Variants in NLRP6 observed in about 807,000 individuals in gnomAD.
The protein encoded by NLRP6 is NLR family pyrin domain containing 6.
NLRP6 carries 55 observed loss-of-function variants against 70.9 expected under a neutral mutation model. The observed-to-expected ratio is 0.78, with a 90% CI of 0.62 to 0.97. The LOEUF is 0.97. NLRP6 is among the 50% of genes least tolerant of loss of function. NLRP6 has a pLI of 0.00. For missense variants in NLRP6, 1,241 were observed against 1,238.3 expected (o/e 1.00, Z -0.03); for synonymous variants, 652 against 581.9 (o/e 1.12, Z -1.73).
At position 281,704 on chromosome 11, in the gene NLRP6, C is replaced by T; in HGVS notation, c.1970C>T (p.Ala657Val). 1 of 1,613,410 alleles carries T rather than the reference C, an allele frequency of 6.2e-7. No individual in the cohort carries two copies. The highest frequency in any genetic ancestry group is 8.5e-7 in the Non-Finnish European group (1 of 1,180,038). The change falls in exon 4 of 8, where the codon GCT becomes GTT. Residue 657 changes from alanine to valine, a missense_variant. Physicochemically the swap from Ala to Val is moderately conservative, Grantham distance 64. Coordinates refer to ENST00000534750, the MANE Select transcript of NLRP6 (RefSeq NM_001276700.2). ...GTGCGCTTCTGCCGCATGGACGTGG[C>T]TGTTCTGAGCTACTGCGTGAGGTGC... ...QRVRFCRMDV[A>V]VLSYCVRCCP... is the part of the protein sequence containing the mutation.
At chr11:279,121 G>C (rs1845428174) in intron 1 of NLRP6, 1 of 417,908 alleles carries the variant, frequency 2.4e-6, no homozygotes, top group Non-Finnish European at 4.0e-6. Context: ...ACACCAAGAC[G>C]CCCCGACCCG....
Position 279,417 on chromosome 11 carries a change from G to A in NLRP6, c.120G>A (p.Lys40=). 1 of 1,366,370 alleles carries A rather than the reference G, an allele frequency of 7.3e-7. No individual in the cohort carries two copies. The highest frequency in any genetic ancestry group is 9.4e-7 in the Non-Finnish European group (1 of 1,062,380). 84.6% of individuals were successfully genotyped at this position (1,366,370 alleles called of 1,614,324 possible). The change falls in exon 2 of 8, where the codon AAG becomes AAA. Residue 40 remains lysine, a synonymous_variant. Coordinates refer to ENST00000534750, the MANE Select transcript of NLRP6 (RefSeq NM_001276700.2). The part of the protein sequence containing the change: ...SQEQLKRFRH[K]LRDVGPDGRS... ...AGCAGCTGAAGCGCTTCCGCCACAA[G>A]CTGCGCGACGTGGGCCCGGACGGAC...
Position 279,886 on chromosome 11 carries a change from T to TGG in NLRP6, c.349+20_349+21dup. On this transcript the variant is annotated intron_variant, in intron 3 of 7. Transcript: ENST00000534750. ...TCTCCGTGTCCGGTGGGTCTCTCGC[T>TGG]GGGGGGGCACGAGTGTCCCCAACCC... 1.3e-6 allele frequency: 2 copies of TGG among 1,526,554 alleles called. No individual in the cohort carries two copies. The highest frequency in any genetic ancestry group is 1.3e-5 in the South Asian group (1 of 78,348). The allele number at this position is 1,526,554 out of a possible 1,614,324, so 94.6% of individuals were successfully genotyped here. A position where few individuals can be genotyped will look rare whatever the true frequency, so the allele number is the denominator to read the frequency against.
intron 1 of NLRP6, 52 bp from the exon 2 acceptor site, chr11:279,275 C>A: frequency 1.1e-6 from 1 of 914,116 alleles, no homozygotes; most frequent in Non-Finnish European, 1.4e-6. Context: ...CGGGGGCGGG[C>A]GGGGGTCACC....
intron 1 of NLRP6, chr11:279,104 G>A (rs1845428019): frequency 5.1e-6 from 2 of 395,330 alleles, no homozygotes; most frequent in Middle Eastern, 6.5e-4. Flanking sequence ...CCCTCAGAGG[G>A]CGAAGAACAC....
chr11:280,745 C>A lies in NLRP6; in HGVS notation c.1011C>A (p.Arg337=). ...RAAAPGRLQG[R]LCSPQCAEVR... is the part of the protein sequence containing the mutation. ...CCGCCCCCGGGAGGCTGCAGGGCCG[C>A]CTGTGTTCCCCGCAGTGCGCCGAGG... is the stretch of plus-strand genomic sequence containing the variant. Residue 337 remains arginine (R), a synonymous_variant, in exon 4 of 8, where the codon CGC becomes CGA. Transcript: ENST00000534750. The A allele has an allele frequency of 6.2e-7, 1 of 1,604,420 alleles. No individual in the cohort carries two copies. Among genetic ancestry groups the A allele is most frequent in the Non-Finnish European group, 8.5e-7 (1 of 1,175,232 alleles).
Position 284,657 on chromosome 11 carries a change from G to T in NLRP6, c.2537+15G>T. The T allele has an allele frequency of 6.3e-7, 1 of 1,592,846 alleles. No homozygotes were observed. The highest frequency in any genetic ancestry group is 8.5e-7 in the Non-Finnish European group (1 of 1,173,716). On this transcript the variant is annotated intron_variant, in intron 7 of 7. Coordinates refer to ENST00000534750, the MANE Select transcript of NLRP6 (RefSeq NM_001276700.2). ...CAGACCCTCAGGTGGAGGCAGGGGT[G>T]GGAAGGGTGCTGGGGACACAGCCTG...
At position 284,539 on chromosome 11, in the gene NLRP6, G is replaced by A. The variant is rs751728229; in HGVS notation, c.2434G>A (p.Ala812Thr). 85 of 1,612,618 alleles carry A rather than the reference G, an allele frequency of 5.3e-5. No individual in the cohort carries two copies. Among genetic ancestry groups the A allele is most frequent in the African/African-American group, 2.3e-4 (17 of 74,894 alleles). ...GGTGGGTATGCTTCGGCAGAGCCCT[G>A]CCCTGACCACCCTGGATCTCAGCGG... is the stretch of plus-strand genomic sequence containing the variant. ...YLVGMLRQSP[A>T]LTTLDLSGCQ... is the part of the protein sequence containing the mutation. Residue 812 changes from alanine to threonine, a missense_variant, in exon 7 of 8, where the codon GCC becomes ACC. Coordinates refer to ENST00000534750, the MANE Select transcript of NLRP6 (RefSeq NM_001276700.2).
Position 280,630 on chromosome 11 carries a change from T to C in NLRP6, c.896T>C (p.Phe299Ser). 1 of 1,499,080 alleles carries C rather than the reference T, an allele frequency of 6.7e-7. No individual in the cohort carries two copies. The highest frequency in any genetic ancestry group is 1.3e-5 in the South Asian group (1 of 77,040). 92.9% of individuals were successfully genotyped at this position (1,499,080 alleles called of 1,614,324 possible). A position where few individuals can be genotyped will look rare whatever the true frequency, so the allele number is the denominator to read the frequency against. Residue 299 changes from phenylalanine (F) to serine (S), a missense_variant, in exon 4 of 8, where the codon TTC becomes TCC. Transcript: ENST00000534750. ...GPEAAPCTDPFEAASGARVLG... is the reference protein window; with the variant it reads ...GPEAAPCTDPSEAASGARVLG... ...GAGGCCGCGCCCTGCACAGACCCCT[T>C]CGAGGCGGCGAGCGGCGCGCGGGTG...
chr11:279,923 TC>T, intron 3 of NLRP6, 51 bp downstream of exon 3: 1 of 1,471,764 alleles, frequency 6.8e-7, no homozygotes, highest in Non-Finnish European at 9.0e-7. Context: ...ACTTGGAGGG[TC>T]CCGGGGAGGA....
chr11:281,057 C>T lies in NLRP6; in HGVS notation c.1323C>T (p.Asp441=), dbSNP rs1401389957. ...PVADGPRLQG[D]LRNLCRLARE... The stretch of plus-strand genomic sequence containing the variant: ...CCGACGGGCCCCGGTTGCAGGGCGA[C>T]CTGCGCAATCTGTGCCGCCTGGCCC... Residue 441 remains aspartate, a synonymous_variant, in exon 4 of 8, where the codon GAC becomes GAT. Transcript: ENST00000534750. 1 of 1,612,830 alleles carries T rather than the reference C, an allele frequency of 6.2e-7. No individual in the cohort carries two copies. The highest frequency in any genetic ancestry group is 1.3e-5 in the African/African-American group (1 of 74,950).
Position 278,562 on chromosome 11 carries a change from G to A in NLRP6, c.-8G>A, listed in dbSNP as rs765158471. The A allele has an allele frequency of 3.1e-6, 5 of 1,588,112 alleles. No individual in the cohort carries two copies. The highest frequency in any genetic ancestry group is 4.3e-6 in the Non-Finnish European group (5 of 1,168,266). On this transcript the variant is annotated 5_prime_UTR_variant, in exon 1 of 8. Transcript: ENST00000534750. The surrounding 1 kb of genome is among the most constrained non-coding windows in gnomAD (Gnocchi z 4.7). The stretch of plus-strand genomic sequence containing the variant: ...CCGGAGTGCTAGACCCAGGGAGGAA[G>A]AGACCCCATGGACCAGCCAGAGGCC...
chr11:282,346 C>T (rs1845491502), intron 4 of NLRP6, among the ~76,000 whole-genome samples: 2 of 152,208 alleles, frequency 1.3e-5, no homozygotes, highest in South Asian at 4.1e-4. Flanking sequence ...AAGGCTTTTG[C>T]CAGAGTTCCT....
intron 3 of NLRP6, 69 bp downstream of exon 3, chr11:279,941 TG>T: frequency 7.0e-7 from 1 of 1,437,526 alleles, no homozygotes; most frequent in Non-Finnish European, 9.2e-7. Context: ...AGGACCGGGG[TG>T]GGAGGGCCGC....
chr11:279,948 G>C, intron 3 of NLRP6, 76 bp downstream of exon 3: 2 of 1,428,190 alleles, frequency 1.4e-6, no homozygotes, highest in Non-Finnish European at 1.8e-6. Flanking sequence ...GGGTGGGAGG[G>C]CCGCCAGGGG....
rs371076603 is a variant in NLRP6, at chr11:284,462, G to A, written c.2370-13G>A. On this transcript the variant is annotated splice_polypyrimidine_tract_variant and intron_variant, in intron 6 of 7. Coordinates refer to ENST00000534750, the MANE Select transcript of NLRP6 (RefSeq NM_001276700.2). The stretch of plus-strand genomic sequence containing the variant: ...CGCCACCCCAGCAGCTCCTGAGGTC[G>A]GCCCTCCCACAGGGTACAGCTGCCT... 219 of 1,609,060 alleles carry A rather than the reference G, an allele frequency of 1.4e-4. No homozygotes were observed. The highest frequency in any genetic ancestry group is 6.9e-4 in the African/African-American group (52 of 74,826).
chr11:285,033 T>C, intron 7 of NLRP6, 133 bp from the exon 8 acceptor site: 1 of 706,818 alleles, frequency 1.4e-6, no homozygotes, highest in Non-Finnish European at 2.4e-6. Context: ...GCCCAGTCAC[T>C]GCCCGCAGCC....
Position 279,827 on chromosome 11 carries a change from C to T in NLRP6, c.311-7C>T. ...TCGGCGGAACCTCACCCCAGTTTCC[C>T]TTCCAGGGCTCGGGCTCGGCTCCGG... On this transcript the variant is annotated splice_polypyrimidine_tract_variant and splice_region_variant and intron_variant, in intron 2 of 7. Coordinates refer to ENST00000534750, the MANE Select transcript of NLRP6 (RefSeq NM_001276700.2). 1 of 1,581,736 alleles carries T rather than the reference C, an allele frequency of 6.3e-7. No individual in the cohort carries two copies. The highest frequency in any genetic ancestry group is 8.6e-7 in the Non-Finnish European group (1 of 1,167,332).
At position 284,310 on chromosome 11, in the gene NLRP6, T is replaced by G. The variant is rs1273022951; in HGVS notation, c.2279T>G (p.Leu760Arg). The G allele has an allele frequency of 6.2e-7, 1 of 1,612,456 alleles. No individual in the cohort carries two copies. The highest frequency in any genetic ancestry group is 8.5e-7 in the Non-Finnish European group (1 of 1,179,894). The change falls in exon 6 of 8, where the codon CTG becomes CGG. Residue 760 changes from leucine to arginine, a missense_variant. By Grantham distance (102) the Leu-to-Arg change is moderately radical (BLOSUM62 -2). Transcript: ENST00000534750. ...ALRAAPALTE[L>R]GLLHNRLSEA... ...AGGGCAGCCCCCGCACTGACGGAGC[T>G]GGGCCTCCTCCACAACAGGCTCAGT...
Sources: allele counts gnomAD v4.1 joint callset (sites outside exome capture counted in the v4.1 genomes callset), GRCh38; gene constraint gnomAD v4.1.1; non-coding constraint Gnocchi (gnomAD v3.1); transcripts MANE v1.5; gene names NCBI Gene and HGNC (gene_info 2026-07-23, HGNC 2026-07-21).